Variants in WWP1 observed in about 807,000 individuals in gnomAD.
WWP1 encodes the protein NEDD4-like E3 ubiquitin-protein ligase WWP1.
Under a neutral mutation model 130.6 loss-of-function variants are expected in WWP1, and 49 were observed. That is an observed-to-expected ratio of 0.38 (90% CI 0.30 to 0.48). The LOEUF is 0.48. Among genes scored for constraint, WWP1 ranks in the 20% least tolerant of loss-of-function variants. WWP1 has a pLI of 0.99. For missense variants in WWP1, 809 were observed against 1,100.6 expected (o/e 0.74, Z 3.75); for synonymous variants, 332 against 367.8 (o/e 0.90, Z 1.11).
chr8:86,415,251 A>G (rs571585469), intron 9 of WWP1, among the ~76,000 whole-genome samples: 1 of 152,308 alleles, frequency 6.6e-6, no homozygotes, highest in Non-Finnish European at 1.5e-5. Context: ...AAATCAAGCC[A>G]GTTTCCCCAC....
chr8:86,465,727 T>C (rs955793168), intron 24 of WWP1, among the ~76,000 whole-genome samples: 2 of 152,252 alleles, frequency 1.3e-5, no homozygotes, highest in African/African-American at 4.8e-5. Flanking sequence ...ACTGGTTGTC[T>C]TGTATAGGAA....
chr8:86,428,241 C>T (rs748293707), intron 11 of WWP1, among the ~76,000 whole-genome samples: 7 of 152,148 alleles, frequency 4.6e-5, no homozygotes, highest in Non-Finnish European at 2.9e-5. Context: ...TTCTAAGAAG[C>T]AACACTCATC....
intron 3 of WWP1, among the ~76,000 whole-genome samples, chr8:86,379,212 G>T (rs143558812): frequency 2.2e-4 from 33 of 152,254 alleles, no homozygotes; most frequent in African/African-American, 7.2e-4. Flanking sequence ...GTCCAGTGGC[G>T]CTGAACTTAG....
chr8:86,452,330 AT>A, intron 20 of WWP1, among the ~76,000 whole-genome samples: 1 of 152,122 alleles, frequency 6.6e-6, no homozygotes, highest in South Asian at 2.1e-4. Flanking sequence ...TTTCCTATTT[AT>A]TTTAAAAGCA....
chr8:86,412,629 C>T (rs539571508), intron 9 of WWP1, among the ~76,000 whole-genome samples: 1 of 151,828 alleles, frequency 6.6e-6, no homozygotes, highest in South Asian at 2.1e-4. Context: ...GCTATTGAAA[C>T]TGCACTTCTA....
chr8:86,373,351 T>C (rs1159118840), intron 2 of WWP1, among the ~76,000 whole-genome samples: 1 of 152,176 alleles, frequency 6.6e-6, no homozygotes, highest in Non-Finnish European at 1.5e-5. Context: ...TGTTATTAAA[T>C]CCTGCTTGTT....
rs534117174 is a variant in WWP1, at chr8:86,434,958, C to T, written c.1602-494C>T. The stretch of plus-strand genomic sequence containing the variant: ...AAAACCTGTATTCCTAGGTGCCGTG[C>T]CACCAACTCTGCCTTTTCTCTCACT... On this transcript the variant is annotated intron_variant, in intron 14 of 24. Transcript: ENST00000517970. Among the ~76,000 whole-genome samples, 22 of 152,278 alleles carry T rather than the reference C, an allele frequency of 1.4e-4. 2 individuals are homozygous for T. Among genetic ancestry groups the T allele is most frequent in the African/African-American group, 4.3e-4 (18 of 41,574 alleles).
intron 1 of WWP1, among the ~76,000 whole-genome samples, chr8:86,355,793 G>C (rs373257572): frequency 6.6e-6 from 1 of 152,190 alleles, no homozygotes; most frequent in Admixed American, 6.6e-5. Context: ...ACCACCTGAC[G>C]TAAGCTTTAG....
At chr8:86,432,171 A>G (rs909628056) in intron 14 of WWP1, among the ~76,000 whole-genome samples, 4 of 152,200 alleles carry the variant, frequency 2.6e-5, no homozygotes, top group African/African-American at 9.6e-5. Flanking sequence ...CACTGCTGCA[A>G]TGAGATGGTC....
intron 21 of WWP1, among the ~76,000 whole-genome samples, chr8:86,454,078 C>T (rs1241466003): frequency 6.6e-6 from 1 of 152,056 alleles, no homozygotes; most frequent in African/African-American, 2.4e-5. Context: ...AGTCATCTCT[C>T]AGTATCTGTG....
intron 14 of WWP1, among the ~76,000 whole-genome samples, chr8:86,434,261 A>G (rs1233781646): frequency 1.3e-5 from 2 of 152,374 alleles, no homozygotes; most frequent in Admixed American, 6.5e-5. Flanking sequence ...CACACTTTAC[A>G]ACAGCCTAAA....
At chr8:86,409,226 C>CTTTTTTTTTTTTTTTTT (rs1230976832) in intron 8 of WWP1, among the ~76,000 whole-genome samples, 56 of 100,518 alleles carry the variant, frequency 5.6e-4, no homozygotes, top group African/African-American at 1.2e-3. Context: ...CTTTTTCTTT[C>CTTTTTTTTTTTTTTTTT]TTTTTTTTTT....
intron 5 of WWP1, among the ~76,000 whole-genome samples, chr8:86,383,094 A>G (rs956825895): frequency 6.6e-6 from 1 of 152,238 alleles, no homozygotes; most frequent in Non-Finnish European, 1.5e-5. Flanking sequence ...AGTAGTTAGT[A>G]TAAACCATAA....
Position 86,411,879 on chromosome 8 carries a change from G to A in WWP1, c.1061+5G>A. ...CACAGAAACCTTGCCATCAGGGTAT[G>A]TTAAGCTTTTTAATGTCTGACTTGC... On this transcript the variant is annotated splice_donor_5th_base_variant and intron_variant, in intron 9 of 24. Transcript: ENST00000517970. 1 of 1,586,926 alleles carries A rather than the reference G, an allele frequency of 6.3e-7. No homozygotes were observed. The highest frequency in any genetic ancestry group is 8.6e-7 in the Non-Finnish European group (1 of 1,165,214).
chr8:86,426,072 A>G (rs1174290664), intron 10 of WWP1, among the ~76,000 whole-genome samples: 1 of 152,196 alleles, frequency 6.6e-6, no homozygotes, highest in Non-Finnish European at 1.5e-5. Context: ...TGTTATTTTT[A>G]TGGGATATTT....
intron 17 of WWP1, chr8:86,440,659 G>T (rs1392671123): frequency 4.4e-6 from 2 of 453,690 alleles, no homozygotes; most frequent in Admixed American, 2.4e-5. Context: ...TGTCAGGGAA[G>T]TTTTCTTCTA....
chr8:86,362,822 A>G (rs1388159067), intron 1 of WWP1, among the ~76,000 whole-genome samples: 1 of 152,190 alleles, frequency 6.6e-6, no homozygotes, highest in Non-Finnish European at 1.5e-5. Context: ...TTAAAATAAA[A>G]GCTGGGATTA....
Position 86,342,646 on chromosome 8 carries a change from C to T in WWP1, c.-399C>T, listed in dbSNP as rs1258533673. 3.8e-6 allele frequency: 1 copy of T among 263,460 alleles called. No homozygotes were observed. The highest frequency in any genetic ancestry group is 6.4e-5 in the East Asian group (1 of 15,564). The allele number at this position is 263,460 out of a possible 1,614,324, so 16.3% of individuals were successfully genotyped here. A position where few individuals can be genotyped will look rare whatever the true frequency, so the allele number is the denominator to read the frequency against. Reference sequence around the variant, plus strand: ...CGCTTAGGGCGCGGCGCCGGCGACGCGGCCACGCGGCGCGCTCCCGAGGAA... The same window carrying T: ...CGCTTAGGGCGCGGCGCCGGCGACGTGGCCACGCGGCGCGCTCCCGAGGAA... On this transcript the variant is annotated 5_prime_UTR_variant, in exon 1 of 25. Transcript: ENST00000517970.
At chr8:86,412,720 T>C (rs1313499401) in intron 9 of WWP1, among the ~76,000 whole-genome samples, 1 of 152,240 alleles carries the variant, frequency 6.6e-6, no homozygotes, top group South Asian at 2.1e-4. Context: ...GGAATTGTTT[T>C]TTTTTTTCTC....
Sources: gnomAD v4.1 joint callset for allele counts (sites outside exome capture counted in the v4.1 genomes callset) on GRCh38, gnomAD v4.1.1 for gene constraint, MANE v1.5 for transcripts, NCBI Gene and HGNC (gene_info 2026-07-23, HGNC 2026-07-21) for gene names.